The following DYNC1I1 variants were observed in gnomAD, a reference collection of about 807,000 sequenced individuals.
DYNC1I1 encodes the protein dynein cytoplasmic 1 intermediate chain 1, also known as cytoplasmic dynein 1 intermediate chain 1.
In DYNC1I1, 43 loss-of-function variants were observed where a neutral mutation model predicts 86.6. The observed-to-expected ratio is 0.50, with a 90% CI of 0.39 to 0.64. DYNC1I1 has a LOEUF of 0.64. DYNC1I1 is among the 30% of genes least tolerant of loss of function. DYNC1I1 has a pLI of 0.00. For missense variants in DYNC1I1, 604 were observed against 788.8 expected (o/e 0.77, Z 2.81); for synonymous variants, 262 against 283.7 (o/e 0.92, Z 0.77).
chr7:95,998,048 A>G (rs774658833), intron 10 of DYNC1I1, among the ~76,000 whole-genome samples: 1 of 152,242 alleles, frequency 6.6e-6, no homozygotes, highest in Non-Finnish European at 1.5e-5. Context: ...TTACCTTTGT[A>G]CTAAAGTGTA....
chr7:95,781,823 A>G (rs1023014239), intron 1 of DYNC1I1, among the ~76,000 whole-genome samples: 3 of 152,200 alleles, frequency 2.0e-5, no homozygotes, highest in Non-Finnish European at 2.9e-5. Context: ...GGGGCATTCC[A>G]TAGCACTTTA....
chr7:96,024,566 C>T (rs189378654), intron 10 of DYNC1I1, among the ~76,000 whole-genome samples: 41 of 152,062 alleles, frequency 2.7e-4, no homozygotes, highest in Admixed American at 7.2e-4. Flanking sequence ...CAGTTAATTT[C>T]ATTTGTCTGC....
chr7:95,921,022 G>A (rs1791596768), intron 6 of DYNC1I1, among the ~76,000 whole-genome samples: 2 of 152,176 alleles, frequency 1.3e-5, no homozygotes, highest in African/African-American at 4.8e-5. Context: ...TGATGGTTTA[G>A]AAACAATTAA....
intron 10 of DYNC1I1, among the ~76,000 whole-genome samples, chr7:96,012,447 C>T (rs972320582): frequency 2.6e-5 from 4 of 152,100 alleles, no homozygotes; most frequent in African/African-American, 9.7e-5. Context: ...CTCTATTCTG[C>T]CTGGAACTTT....
At chr7:95,999,981 AT>A (rs1793970281) in intron 10 of DYNC1I1, among the ~76,000 whole-genome samples, 1 of 152,170 alleles carries the variant, frequency 6.6e-6, no homozygotes, top group Non-Finnish European at 1.5e-5. Context: ...TGTAAAGTAT[AT>A]TTTGACCAGA....
chr7:96,011,560 T>G (rs886833523), intron 10 of DYNC1I1, among the ~76,000 whole-genome samples: 4 of 152,170 alleles, frequency 2.6e-5, no homozygotes, highest in Non-Finnish European at 5.9e-5. Context: ...TTGCAGTTAT[T>G]TCCTCCAAGC....
intron 6 of DYNC1I1, among the ~76,000 whole-genome samples, chr7:95,893,201 G>C (rs750065546): frequency 1.3e-5 from 2 of 152,188 alleles, no homozygotes; most frequent in Non-Finnish European, 2.9e-5. Context: ...CTGAAGGGCT[G>C]TGATGTTGAG....
chr7:95,778,820 C>CA (rs1793911634), intron 1 of DYNC1I1, among the ~76,000 whole-genome samples: 1 of 151,960 alleles, frequency 6.6e-6, no homozygotes, highest in Admixed American at 6.6e-5. Flanking sequence ...CCCACCACAC[C>CA]AGCTGGTTAA....
chr7:95,813,175 T>C, intron 3 of DYNC1I1, 72 bp from the exon 4 acceptor site: 1 of 1,611,612 alleles, frequency 6.2e-7, no homozygotes, highest in Non-Finnish European at 8.5e-7. Context: ...TTTTGATTTG[T>C]CTGACACTGC....
chr7:96,092,602 C>T (rs980210105), intron 16 of DYNC1I1, among the ~76,000 whole-genome samples: 6 of 152,178 alleles, frequency 3.9e-5, no homozygotes, highest in African/African-American at 9.6e-5. Context: ...CCAGGCAAGG[C>T]GAGCAAGGGT....
At position 96,080,461 on chromosome 7, in the gene DYNC1I1, C is replaced by T; in HGVS notation, c.1749C>T (p.Gly583=). 2 of 1,614,114 alleles carry T rather than the reference C, an allele frequency of 1.2e-6. No individual in the cohort carries two copies. The highest frequency in any genetic ancestry group is 1.7e-6 in the Non-Finnish European group (2 of 1,180,024). ...GKEVAVGDSE[G]RIWVYDVGEL... ...AAGTTGCTGTTGGGGACTCGGAAGGCCGTATTTGGGTCTATGACGTTGGAG... is the reference window on the plus strand; with the variant it reads ...AAGTTGCTGTTGGGGACTCGGAAGGTCGTATTTGGGTCTATGACGTTGGAG... The change falls in exon 16 of 17, where the codon GGC becomes GGT. Residue 583 remains glycine, a synonymous_variant. Transcript: ENST00000447467.
In DYNC1I1 at chr7:96,084,882, T is replaced by C. The variant is rs147030990; in HGVS notation, c.1776+4394T>C. Among the ~76,000 whole-genome samples the C allele has an allele frequency of 7.7e-3, 1,174 of 152,268 alleles. 16 individuals carry two copies. Among genetic ancestry groups the C allele is most frequent in the African/African-American group, 0.026 (1,089 of 41,548 alleles). On this transcript the variant is annotated intron_variant, in intron 16 of 16. Transcript: ENST00000447467. ...ATCACATCATAATTTTGCCTGAAAA[T>C]ATATTAATAATATAATTTGGGGAAA...
At chr7:96,007,998 C>T (rs548021934) in intron 10 of DYNC1I1, among the ~76,000 whole-genome samples, 3 of 152,182 alleles carry the variant, frequency 2.0e-5, no homozygotes, top group African/African-American at 4.8e-5. Flanking sequence ...CCCATATACC[C>T]TCCAGCCACT....
chr7:95,893,093 G>A (rs1042818665), intron 6 of DYNC1I1, among the ~76,000 whole-genome samples: 2 of 152,094 alleles, frequency 1.3e-5, no homozygotes, highest in African/African-American at 4.8e-5. Flanking sequence ...AAAAGGGAGG[G>A]TTAAAAATAG....
chr7:95,819,714 A>G (rs1334752729), intron 4 of DYNC1I1, among the ~76,000 whole-genome samples: 1 of 152,228 alleles, frequency 6.6e-6, no homozygotes, highest in Non-Finnish European at 1.5e-5. Context: ...CTACCAGCCA[A>G]TTCGACTTTG....
rs534126170 is a variant in DYNC1I1 at position 95,901,102 on chromosome 7, T to A, written c.490+31104T>A. ...GAAATAACAAAGGATCCCAACTAAG[T>A]GTGCCAGAGCCTCCGGCAAAGGCAG... On this transcript the variant is annotated intron_variant, in intron 6 of 16. Coordinates refer to ENST00000447467, the MANE Select transcript of DYNC1I1 (RefSeq NM_001135556.2). Among the ~76,000 whole-genome samples the A allele has an allele frequency of 5.3e-5, 8 of 152,338 alleles. No homozygotes were observed. In the East Asian group the frequency reaches 1.5e-3, roughly 29 times the overall value.
intron 16 of DYNC1I1, among the ~76,000 whole-genome samples, chr7:96,086,606 A>G (rs1447017088): frequency 6.6e-6 from 1 of 152,204 alleles, no homozygotes; most frequent in Non-Finnish European, 1.5e-5. Flanking sequence ...GTTTGATACG[A>G]CTATTTGGGG....
At chr7:96,060,145 G>T (rs1243129751) in intron 14 of DYNC1I1, among the ~76,000 whole-genome samples, 2 of 152,106 alleles carry the variant, frequency 1.3e-5, no homozygotes, top group African/African-American at 2.4e-5. Context: ...TGACTATCGG[G>T]CTGACTTCCC....
chr7:95,970,604 G>A (rs1456824973), intron 6 of DYNC1I1, among the ~76,000 whole-genome samples: 1 of 152,020 alleles, frequency 6.6e-6, no homozygotes, highest in Non-Finnish European at 1.5e-5. Context: ...ATTTAAAGTG[G>A]GCTACTGATC....
Sources: gnomAD v4.1 joint callset for allele counts (sites outside exome capture counted in the v4.1 genomes callset) on GRCh38, gnomAD v4.1.1 for gene constraint, MANE v1.5 for transcripts, NCBI Gene and HGNC (gene_info 2026-07-23, HGNC 2026-07-21) for gene names.